PRKG1: variants seen among roughly 807,000 people sequenced by gnomAD.
PRKG1 encodes protein kinase cGMP-dependent 1.
In PRKG1, 35 loss-of-function variants were observed where a neutral mutation model predicts 88.1. The ratio of observed to expected loss-of-function variants is 0.40; its 90% CI spans 0.30 to 0.53. The LOEUF (loss-of-function observed/expected upper bound fraction) is 0.53, where lower values mean the gene tolerates loss of function less well. PRKG1 is among the 20% of genes least tolerant of loss of function. The pLI, the probability that PRKG1 is intolerant of heterozygous loss-of-function variation, is 0.59. For synonymous variants in PRKG1, 303 were observed against 292.5 expected, an observed-to-expected ratio of 1.04 and a Z score of -0.37; for missense variants, 540 against 839.8, an observed-to-expected ratio of 0.64 and a Z score of 4.41.
chr10:50,992,946 C>G (rs1050232538), intron 1 of PRKG1, among the ~76,000 whole-genome samples: 3 of 152,106 alleles, frequency 2.0e-5, no homozygotes, highest in Admixed American at 6.5e-5. Context: ...AGTTTGGGGC[C>G]CTCAGGGGAC....
chr10:51,385,743 T>C (rs541346344), intron 2 of PRKG1, among the ~76,000 whole-genome samples: 1 of 152,312 alleles, frequency 6.6e-6, no homozygotes, highest in East Asian at 1.9e-4. Flanking sequence ...GACTCTGAAA[T>C]AGTAACCTGA....
intron 2 of PRKG1, among the ~76,000 whole-genome samples, chr10:51,376,710 T>C (rs1268038883): frequency 6.6e-6 from 1 of 152,210 alleles, no homozygotes. Context: ...GTTTTGCTCT[T>C]GTAGCCCAGG....
At chr10:51,650,441 G>T (rs1038138928) in intron 3 of PRKG1, among the ~76,000 whole-genome samples, 3 of 152,046 alleles carry the variant, frequency 2.0e-5, no homozygotes, top group Non-Finnish European at 4.4e-5. Flanking sequence ...AAATTTTCTT[G>T]TATAACCGTT....
chr10:51,066,976 CATG>C (rs1217898103), intron 1 of PRKG1, among the ~76,000 whole-genome samples: 2 of 151,960 alleles, frequency 1.3e-5, no homozygotes, highest in Non-Finnish European at 2.9e-5. Flanking sequence ...GCTTAAGATC[CATG>C]ATAACTATGT....
chr10:51,775,123 T>G (rs1472121061), intron 3 of PRKG1, among the ~76,000 whole-genome samples: 1 of 152,178 alleles, frequency 6.6e-6, no homozygotes. Context: ...TTTTGTATTT[T>G]GAAAAGTTGC....
At position 51,546,866 on chromosome 10, in the gene PRKG1, A is replaced by G. The variant is rs768845401; in HGVS notation, c.592+79030A>G. On this transcript the variant is annotated intron_variant, in intron 3 of 17. Transcript: ENST00000373980. ...CAAACTTATATCAAAAAATGCCTCCACTTTATACTTTGCCTGCAAATTTTA... is the reference window on the plus strand; with the variant it reads ...CAAACTTATATCAAAAAATGCCTCCGCTTTATACTTTGCCTGCAAATTTTA... 1.0e-3 allele frequency among the ~76,000 whole-genome samples: 157 copies of G among 152,184 alleles called. 3 individuals are homozygous for G. The Middle Eastern group carries it at 0.044, about 43-fold the overall frequency.
chr10:51,563,299 T>C (rs61849853), intron 3 of PRKG1, among the ~76,000 whole-genome samples: 34 of 152,276 alleles, frequency 2.2e-4, no homozygotes, highest in African/African-American at 7.5e-4. Context: ...AAGGAGAATA[T>C]TGAACATTTT....
chr10:51,482,073 A>G (rs1164520070), intron 3 of PRKG1, among the ~76,000 whole-genome samples: 2 of 152,172 alleles, frequency 1.3e-5, no homozygotes, highest in Non-Finnish European at 2.9e-5. Flanking sequence ...CACACATGAT[A>G]TATAAAGTGA....
intron 3 of PRKG1, among the ~76,000 whole-genome samples, chr10:51,528,486 C>T (rs1228060510): frequency 8.4e-6 from 1 of 118,476 alleles, no homozygotes; most frequent in East Asian, 2.0e-4. Flanking sequence ...TGTCTATCTT[C>T]TTTTGAAGGA....
intron 3 of PRKG1, among the ~76,000 whole-genome samples, chr10:51,557,017 A>T (rs892008386): frequency 6.6e-6 from 1 of 150,812 alleles, no homozygotes; most frequent in African/African-American, 2.4e-5. Flanking sequence ...CTTTCTTTTG[A>T]CTCTTCTTTT....
At chr10:51,837,535 C>T (rs368634227) in intron 4 of PRKG1, among the ~76,000 whole-genome samples, 1 of 152,172 alleles carries the variant, frequency 6.6e-6, no homozygotes, top group African/African-American at 2.4e-5. Flanking sequence ...GTGGCTTTGC[C>T]CTGCTCTTCC....
intron 4 of PRKG1, among the ~76,000 whole-genome samples, chr10:51,890,632 T>C (rs1195215723): frequency 6.6e-6 from 1 of 152,208 alleles, no homozygotes; most frequent in African/African-American, 2.4e-5. Context: ...TTTGAAAGAT[T>C]AAAAATGATA....
At chr10:51,820,622 G>A (rs10508960) in intron 4 of PRKG1, among the ~76,000 whole-genome samples, 10,638 of 152,140 alleles carry the variant, frequency 0.07, 459 homozygotes, top group Non-Finnish European at 0.09. Context: ...CAGAGCAGGA[G>A]CTAATCTGGT....
intron 9 of PRKG1, among the ~76,000 whole-genome samples, chr10:52,170,574 C>T (rs1047405846): frequency 6.6e-6 from 1 of 152,166 alleles, no homozygotes; most frequent in Non-Finnish European, 1.5e-5. Flanking sequence ...CATCGACACT[C>T]TGCAAGAGCT....
At chr10:51,074,956 G>A in intron 1 of PRKG1, 55 bp downstream of exon 1, 3 of 1,515,566 alleles carry the variant, frequency 2.0e-6, no homozygotes, top group Non-Finnish European at 8.9e-7. Context: ...GGGGAGCTGC[G>A]GGTCTCTGTA....
intron 2 of PRKG1, among the ~76,000 whole-genome samples, chr10:51,321,790 G>A (rs753550761): frequency 2.0e-5 from 3 of 151,990 alleles, no homozygotes; most frequent in South Asian, 2.1e-4. Flanking sequence ...AAAGATAAAC[G>A]CTTGAGGTGA....
chr10:52,199,250 A>G (rs1346944113), intron 9 of PRKG1, among the ~76,000 whole-genome samples: 2 of 152,122 alleles, frequency 1.3e-5, no homozygotes. Context: ...TACTTAATGT[A>G]TTATCCTCCC....
intron 2 of PRKG1, among the ~76,000 whole-genome samples, chr10:51,417,902 T>G (rs1838288585): frequency 6.6e-6 from 1 of 152,162 alleles, no homozygotes; most frequent in Admixed American, 6.6e-5. Context: ...CTATCTCCCT[T>G]TCAAAGGAAT....
chr10:52,084,406 GAT>G (rs1232512897), intron 7 of PRKG1, among the ~76,000 whole-genome samples: 1 of 151,920 alleles, frequency 6.6e-6, no homozygotes, highest in Admixed American at 6.6e-5. Flanking sequence ...ATTGCCTTGA[GAT>G]ATATTGCCAT....
Sources: allele counts gnomAD v4.1 joint callset (sites outside exome capture counted in the v4.1 genomes callset), GRCh38; gene constraint gnomAD v4.1.1; transcripts MANE v1.5; gene names NCBI Gene and HGNC (gene_info 2026-07-23, HGNC 2026-07-21).